The following CFDP1 variants were observed in gnomAD, a reference collection of about 807,000 sequenced individuals.
CFDP1 encodes chromatin remodeling protein CFDP1.
A neutral mutation model predicts 40.1 loss-of-function variants in CFDP1; 31 were observed. That is an observed-to-expected ratio of 0.77 (90% confidence interval 0.58 to 1.04). The LOEUF (loss-of-function observed/expected upper bound fraction) is 1.04, where lower values mean the gene tolerates loss of function less well. Ranked by LOEUF, CFDP1 falls within the 50% of genes least tolerant of loss-of-function variation. The pLI, the probability that CFDP1 is intolerant of heterozygous loss-of-function variation, is 0.00. For synonymous variants in CFDP1, 167 were observed against 120.0 expected (o/e 1.39, Z -2.56); for missense variants, 423 against 343.4 (o/e 1.23, Z -1.83).
At chr16:75,366,783 T>G (rs1382207653) in intron 5 of CFDP1, among the ~76,000 whole-genome samples, 1 of 152,148 alleles carries the variant, frequency 6.6e-6, no homozygotes, top group Non-Finnish European at 1.5e-5. Flanking sequence ...GGAGCAGGAA[T>G]TGACTGCAAA....
At chr16:75,296,849 C>T (rs956232236) in intron 6 of CFDP1, among the ~76,000 whole-genome samples, 2 of 152,174 alleles carry the variant, frequency 1.3e-5, no homozygotes, top group Non-Finnish European at 2.9e-5. Context: ...ATGCCTGTGA[C>T]GGCCTTGGTT....
At chr16:75,431,389 G>C (rs2079413014) in intron 1 of CFDP1, among the ~76,000 whole-genome samples, 1 of 135,616 alleles carries the variant, frequency 7.4e-6, no homozygotes, top group Non-Finnish European at 1.5e-5. Flanking sequence ...GGGAGGCAGA[G>C]CTTGCAGTGA....
chr16:75,401,423 C>T (rs1435130052), intron 4 of CFDP1, among the ~76,000 whole-genome samples: 1 of 102,524 alleles, frequency 9.8e-6, no homozygotes. Context: ...GTTAAGACTC[C>T]GTCTCAAAAA....
intron 6 of CFDP1, among the ~76,000 whole-genome samples, chr16:75,299,828 A>C (rs1351808192): frequency 1.3e-5 from 2 of 152,118 alleles, no homozygotes; most frequent in African/African-American, 4.8e-5. Context: ...TCACGGAGAA[A>C]ATCAAACCGG....
chr16:75,403,974 A>G (rs1014429015), intron 4 of CFDP1, among the ~76,000 whole-genome samples: 2 of 151,822 alleles, frequency 1.3e-5, no homozygotes, highest in Admixed American at 1.3e-4. Flanking sequence ...TTTACTAAAA[A>G]TAAAAAACTT....
chr16:75,426,783 G>A (rs1278493706), intron 1 of CFDP1, among the ~76,000 whole-genome samples: 3 of 152,068 alleles, frequency 2.0e-5, no homozygotes, highest in South Asian at 2.1e-4. Context: ...AGCCGGGGGT[G>A]GTGACTCAGG....
At chr16:75,382,997 T>C (rs1326774975) in intron 5 of CFDP1, among the ~76,000 whole-genome samples, 3 of 152,192 alleles carry the variant, frequency 2.0e-5, no homozygotes, top group African/African-American at 7.2e-5. Flanking sequence ...TTCAAGGAAA[T>C]GCTAATAATC....
At chr16:75,431,936 G>T (rs1272734177) in intron 1 of CFDP1, among the ~76,000 whole-genome samples, 2 of 148,180 alleles carry the variant, frequency 1.3e-5, no homozygotes, top group Admixed American at 1.3e-4. Flanking sequence ...TTTTGAGACG[G>T]AGTCTCGCTC....
At chr16:75,424,524 G>C (rs1170432560) in intron 1 of CFDP1, among the ~76,000 whole-genome samples, 4 of 152,174 alleles carry the variant, frequency 2.6e-5, no homozygotes, top group African/African-American at 9.7e-5. Context: ...GGGAGGCTGA[G>C]GCGGGCGGAT....
intron 4 of CFDP1, among the ~76,000 whole-genome samples, chr16:75,404,999 G>C (rs541433131): frequency 6.6e-6 from 1 of 152,250 alleles, no homozygotes; most frequent in Non-Finnish European, 1.5e-5. Flanking sequence ...TTCAAGTTTT[G>C]ACTGCAAAAC....
At chr16:75,400,515 G>C (rs978562987) in intron 4 of CFDP1, among the ~76,000 whole-genome samples, 2 of 152,202 alleles carry the variant, frequency 1.3e-5, no homozygotes, top group Non-Finnish European at 2.9e-5. Flanking sequence ...TATCCATCAG[G>C]AGCAGCTAGG....
chr16:75,295,133 A>G (rs1489797902), intron 6 of CFDP1, among the ~76,000 whole-genome samples: 1 of 152,246 alleles, frequency 6.6e-6, no homozygotes, highest in Non-Finnish European at 1.5e-5. Flanking sequence ...TTACATTTAT[A>G]GTGAGAATGC....
intron 5 of CFDP1, among the ~76,000 whole-genome samples, chr16:75,350,967 C>T (rs1272295371): frequency 6.6e-6 from 1 of 151,946 alleles, no homozygotes; most frequent in Non-Finnish European, 1.5e-5. Flanking sequence ...TTTGACTATA[C>T]ATTTCTAGTG....
chr16:75,324,911 A>T (rs750271314), intron 5 of CFDP1: 1 of 152,176 alleles, frequency 6.6e-6, no homozygotes, highest in Non-Finnish European at 1.5e-5. Flanking sequence ...TTTCAAGCCA[A>T]GAAACGTTGG....
intron 5 of CFDP1, among the ~76,000 whole-genome samples, chr16:75,319,294 G>A (rs1038813797): frequency 9.9e-5 from 15 of 151,848 alleles, no homozygotes; most frequent in African/African-American, 3.4e-4. Flanking sequence ...CACCTACCTC[G>A]GCCTCCCAAA....
chr16:75,298,131 A>G (rs926557173), intron 6 of CFDP1, among the ~76,000 whole-genome samples: 6 of 152,262 alleles, frequency 3.9e-5, no homozygotes, highest in African/African-American at 1.4e-4. Flanking sequence ...TAAGGTACAT[A>G]TAAAACAAAT....
chr16:75,415,680 T>C (rs1433125427), intron 1 of CFDP1, among the ~76,000 whole-genome samples: 1 of 152,224 alleles, frequency 6.6e-6, no homozygotes, highest in African/African-American at 2.4e-5. Flanking sequence ...GTCACCCACA[T>C]TGTTGCAGTG....
intron 4 of CFDP1, among the ~76,000 whole-genome samples, chr16:75,406,036 G>A (rs1817195154): frequency 6.6e-6 from 1 of 151,628 alleles, no homozygotes; most frequent in South Asian, 2.1e-4. Context: ...GAGGACAAGA[G>A]GTCAGGACCA....
At chr16:75,350,107 T>C (rs1248550538) in intron 5 of CFDP1, among the ~76,000 whole-genome samples, 1 of 152,196 alleles carries the variant, frequency 6.6e-6, no homozygotes, top group Admixed American at 6.5e-5. Context: ...TGAATAATAT[T>C]CTACTGTTTG....
Sources: gnomAD v4.1 joint callset for allele counts (sites outside exome capture counted in the v4.1 genomes callset) on GRCh38, gnomAD v4.1.1 for gene constraint, MANE v1.5 for transcripts, NCBI Gene and HGNC (gene_info 2026-07-23, HGNC 2026-07-21) for gene names.